The following NHS variants were observed in gnomAD, a reference collection of about 807,000 sequenced individuals.
NHS encodes the protein actin remodeling regulator NHS.
Under a neutral mutation model 72.5 loss-of-function variants are expected in NHS, and 5 were observed. The ratio of observed to expected loss-of-function variants is 0.07; its 90% CI spans 0.04 to 0.14. The LOEUF (loss-of-function observed/expected upper bound fraction) is 0.14. Ranked by LOEUF, NHS falls within the 10% of genes least tolerant of loss-of-function variation. The probability of loss-of-function intolerance (pLI) is 1.00; values close to 1 mark genes in which losing one functional copy is unlikely to be tolerated. For synonymous variants in NHS, 464 were observed against 547.7 expected (o/e 0.85, Z 2.13); for missense variants, 1,072 against 1,355.7 (o/e 0.79, Z 3.29).
At chrX:17,386,073 C>G (rs2064406599) in intron 1 of NHS, among the ~76,000 whole-genome samples, 1 of 112,116 alleles carries the variant, frequency 8.9e-6, no homozygotes, top group Non-Finnish European at 1.9e-5. Flanking sequence ...AGCTCCCATT[C>G]TCAAACAGTC....
At chrX:17,691,150 C>T (rs980495109) in intron 2 of NHS, among the ~76,000 whole-genome samples, 1 of 111,385 alleles carries the variant, frequency 9.0e-6, no homozygotes, top group African/African-American at 3.3e-5. Context: ...AGGAGGGGAG[C>T]GATTGAATGG....
intron 1 of NHS, among the ~76,000 whole-genome samples, chrX:17,643,276 T>TTTTC (rs746472098): frequency 8.1e-4 from 91 of 111,754 alleles, no homozygotes; most frequent in Admixed American, 1.8e-3. Flanking sequence ...TTGTGTGTGT[T>TTTTC]TTTCTTTCTT....
chrX:17,461,981 A>G (rs1371749381), intron 1 of NHS, among the ~76,000 whole-genome samples: 1 of 111,151 alleles, frequency 9.0e-6, no homozygotes, highest in Non-Finnish European at 1.9e-5. Context: ...TGCTTGCATT[A>G]TGTTTGCTAA....
At chrX:17,696,552 A>C (rs1214486521) in intron 3 of NHS, among the ~76,000 whole-genome samples, 2 of 112,217 alleles carry the variant, frequency 1.8e-5, no homozygotes, top group African/African-American at 3.2e-5. Flanking sequence ...CTTGGTACTA[A>C]CCATTAGAAG....
Position 17,570,963 on chromosome X carries a change from G to A in NHS, c.566-116779G>A, listed in dbSNP as rs150739583. Among the ~76,000 whole-genome samples the A allele has an allele frequency of 3.6e-3, 405 of 112,125 alleles. 2 individuals are homozygous for A. The highest frequency in any genetic ancestry group is 0.014 in the Middle Eastern group (3 of 217). On this transcript the variant is annotated intron_variant, in intron 1 of 8. Coordinates refer to ENST00000676302, the MANE Select transcript of NHS (RefSeq NM_001291867.2). ...TTGTCATTGGTTCTGTTTATGTGAC[G>A]GATTGCATTTATTGATTTGCATATG...
chrX:17,579,072 G>A (rs773879681), intron 1 of NHS, among the ~76,000 whole-genome samples: 11 of 112,162 alleles, frequency 9.8e-5, no homozygotes, highest in Non-Finnish European at 1.7e-4. Flanking sequence ...AATCAAATTC[G>A]GATTTGTAAG....
intron 1 of NHS, among the ~76,000 whole-genome samples, chrX:17,451,771 A>G (rs2064806484): frequency 8.9e-6 from 1 of 112,172 alleles, no homozygotes; most frequent in Non-Finnish European, 1.9e-5. Context: ...ATGAAAAGGT[A>G]GTGTAACCTA....
At chrX:17,721,143 TAA>T (rs2066403733) in intron 4 of NHS, among the ~76,000 whole-genome samples, 1 of 112,059 alleles carries the variant, frequency 8.9e-6, no homozygotes, top group Admixed American at 9.5e-5. Context: ...TTCATTGGAG[TAA>T]AGACTCAATT....
Position 17,663,492 on chromosome X carries a change from A to T in NHS, c.566-24250A>T, listed in dbSNP as rs187207186. Among the ~76,000 whole-genome samples, 981 of 112,168 alleles carry T rather than the reference A, an allele frequency of 8.7e-3. 16 individuals are homozygous for T. The highest frequency in any genetic ancestry group is 0.03 in the African/African-American group (918 of 30,918). On this transcript the variant is annotated intron_variant, in intron 1 of 8. Coordinates refer to ENST00000676302, the MANE Select transcript of NHS (RefSeq NM_001291867.2). ...AAATTGAATCATAAGTATGACTTTA[A>T]AAAATGTCCAGCCTTTTTCATTCAG...
chrX:17,582,100 T>C (rs1474467643), intron 1 of NHS, among the ~76,000 whole-genome samples: 4 of 111,847 alleles, frequency 3.6e-5, no homozygotes, highest in South Asian at 3.8e-4. Flanking sequence ...GGAGCTGTTA[T>C]GGAGGCCTCA....
chrX:17,612,189 G>C (rs2065714856), intron 1 of NHS, among the ~76,000 whole-genome samples: 1 of 105,591 alleles, frequency 9.5e-6, no homozygotes, highest in Admixed American at 9.9e-5. Context: ...GTTTCCTCAT[G>C]ACTTTTTTTT....
intron 1 of NHS, among the ~76,000 whole-genome samples, chrX:17,533,301 G>A (rs1353183621): frequency 2.7e-5 from 3 of 111,200 alleles, no homozygotes; most frequent in Non-Finnish European, 5.7e-5. Flanking sequence ...TTATTTTTTT[G>A]AGTGAGACAG....
At chrX:17,586,365 A>T (rs1450752432) in intron 1 of NHS, 1 of 111,922 alleles carries the variant, frequency 8.9e-6, no homozygotes, top group African/African-American at 3.3e-5. Flanking sequence ...ACTTAGATCC[A>T]AAGAAAACCC....
At chrX:17,430,401 CCTTT>C (rs1370585208) in intron 1 of NHS, among the ~76,000 whole-genome samples, 4 of 69,707 alleles carry the variant, frequency 5.7e-5, no homozygotes, top group East Asian at 4.2e-4. Flanking sequence ...CTTTCTTTCT[CCTTT>C]CTTTCTCCTT....
intron 1 of NHS, among the ~76,000 whole-genome samples, chrX:17,651,956 C>G (rs1293557071): frequency 8.9e-6 from 1 of 112,684 alleles, no homozygotes; most frequent in Non-Finnish European, 1.9e-5. Context: ...CACTGTAGAT[C>G]AGAGGTTGGC....
chrX:17,409,730 C>T (rs765641414), intron 1 of NHS, among the ~76,000 whole-genome samples: 2 of 111,630 alleles, frequency 1.8e-5, no homozygotes, highest in Non-Finnish European at 3.8e-5. Context: ...GTGCCACATA[C>T]CACTTTTGCT....
intron 1 of NHS, among the ~76,000 whole-genome samples, chrX:17,541,777 C>T (rs1672261501): frequency 1.0e-5 from 1 of 99,184 alleles, no homozygotes; most frequent in Admixed American, 1.1e-4. Flanking sequence ...AACACACACA[C>T]ACACACACAC....
intron 1 of NHS, among the ~76,000 whole-genome samples, chrX:17,400,974 C>T (rs1219494162): frequency 8.9e-6 from 1 of 112,224 alleles, no homozygotes; most frequent in African/African-American, 3.2e-5. Context: ...ACTCACACTT[C>T]CCAGTTTTGA....
chrX:17,510,464 A>T (rs1332974964), intron 1 of NHS, among the ~76,000 whole-genome samples: 2 of 112,315 alleles, frequency 1.8e-5, no homozygotes, highest in Non-Finnish European at 3.8e-5. Flanking sequence ...CTAAGATGTC[A>T]CGTGAAGATG....
Sources: allele counts gnomAD v4.1 joint callset (sites outside exome capture counted in the v4.1 genomes callset), GRCh38; gene constraint gnomAD v4.1.1; transcripts MANE v1.5; gene names NCBI Gene and HGNC (gene_info 2026-07-23, HGNC 2026-07-21).